CR1L: variants seen among roughly 807,000 people sequenced by gnomAD.
CR1L encodes complement C3b/C4b receptor 1 like.
In CR1L, 59 loss-of-function variants were observed where a neutral mutation model predicts 62.3. The observed-to-expected ratio is 0.95, with a 90% CI of 0.77 to 1.18. The LOEUF (loss-of-function observed/expected upper bound fraction) is 1.18, where lower values mean the gene tolerates loss of function less well. CR1L is among the 50% of genes most tolerant of loss of function. CR1L has a pLI of 0.00. For synonymous variants in CR1L, 279 were observed against 248.7 expected (o/e 1.12, Z -1.15); for missense variants, 700 against 702.8 (o/e 1.00, Z 0.04).
At chr1:207,680,660 A>G (rs769696364) in intron 3 of CR1L, among the ~76,000 whole-genome samples, 1 of 152,202 alleles carries the variant, frequency 6.6e-6, no homozygotes, top group Non-Finnish European at 1.5e-5. Flanking sequence ...AGCTGGGAGA[A>G]CTTTAAATTA....
At chr1:207,690,903 G>T (rs1663986529) in intron 4 of CR1L, among the ~76,000 whole-genome samples, 1 of 152,166 alleles carries the variant, frequency 6.6e-6, no homozygotes, top group African/African-American at 2.4e-5. Flanking sequence ...CACTGGACAT[G>T]GATTTAGAAG....
rs1663373813 is a variant in CR1L, at chr1:207,659,530, G to A, written c.97+14200G>A. ...AAATTGTCTTAAGATATATATTTTA[G>A]GTTGCTTCAAGATAGCTGAATAGGA... On this transcript the variant is annotated intron_variant, in intron 1 of 11. Transcript: ENST00000508064. 2.6e-5 allele frequency among the ~76,000 whole-genome samples: 4 copies of A among 152,156 alleles called. 1 individual carries two copies. The highest frequency in any genetic ancestry group is 1.9e-4 in the East Asian group (1 of 5,200).
chr1:207,652,694 G>A lies in CR1L; in HGVS notation c.97+7364G>A, dbSNP rs563053088. ...CTTGCCACCCATACTATTTGTGATC[G>A]GAATCACACATGGCTACCTGTCTCA... On this transcript the variant is annotated intron_variant, in intron 1 of 11. Coordinates refer to ENST00000508064, the MANE Select transcript of CR1L (RefSeq NM_175710.2). 104 of 938,154 alleles carry A rather than the reference G, an allele frequency of 1.1e-4. 1 individual carries two copies. The highest frequency in any genetic ancestry group is 1.0e-3 in the South Asian group (81 of 77,690). 58.1% of individuals were successfully genotyped at this position (938,154 alleles called of 1,614,324 possible).
chr1:207,721,256 T>C (rs1438273613), intron 11 of CR1L, among the ~76,000 whole-genome samples: 2 of 151,942 alleles, frequency 1.3e-5, no homozygotes, highest in Non-Finnish European at 2.9e-5. Flanking sequence ...GTTAGTTACA[T>C]ATGTATACAT....
intron 1 of CR1L, among the ~76,000 whole-genome samples, chr1:207,653,682 C>T (rs1663264095): frequency 6.6e-6 from 1 of 152,188 alleles, no homozygotes; most frequent in Admixed American, 6.5e-5. Context: ...AGGCACTGAG[C>T]ACTCGGTAAT....
intron 9 of CR1L, among the ~76,000 whole-genome samples, chr1:207,706,980 C>T (rs1664277275): frequency 6.6e-6 from 1 of 152,090 alleles, no homozygotes; most frequent in African/African-American, 2.4e-5. Flanking sequence ...GTAGGCTAGA[C>T]TTACAGAAAA....
intron 1 of CR1L, among the ~76,000 whole-genome samples, chr1:207,647,710 A>G (rs760047104): frequency 3.3e-5 from 5 of 152,122 alleles, no homozygotes; most frequent in Admixed American, 1.3e-4. Flanking sequence ...TATGCTCAGG[A>G]TGGTCTTTCT....
Position 207,669,577 on chromosome 1 carries a change from G to T in CR1L, c.98-7812G>T. 21 of 1,489,528 alleles carry T rather than the reference G, an allele frequency of 1.4e-5. No individual in the cohort carries two copies. In the South Asian group the frequency reaches 2.1e-4, roughly 15 times the overall value. The allele number at this position is 1,489,528 out of a possible 1,614,324, so 92.3% of individuals were successfully genotyped here. A position where few individuals can be genotyped will look rare whatever the true frequency, so the allele number is the denominator to read the frequency against. ...GCCGGTGGCCTGGGGTGAAACGCTG[G>T]GGGGCGTGGGGAGGCGCCCGGGCTG... On this transcript the variant is annotated intron_variant, in intron 1 of 11. Coordinates refer to ENST00000508064, the MANE Select transcript of CR1L (RefSeq NM_175710.2).
At chr1:207,669,163 T>C in intron 1 of CR1L, 1 of 284,560 alleles carries the variant, frequency 3.5e-6, no homozygotes, top group Non-Finnish European at 6.7e-6. Flanking sequence ...ACACGCGGGA[T>C]CCATCGGAAG....
chr1:207,669,122 C>T (rs749203146), intron 1 of CR1L: 10 of 260,900 alleles, frequency 3.8e-5, no homozygotes, highest in East Asian at 1.2e-4. Flanking sequence ...CATCATCCAC[C>T]GCCTTTGTCT....
intron 1 of CR1L, among the ~76,000 whole-genome samples, chr1:207,673,607 G>A (rs533070846): frequency 2.7e-4 from 41 of 152,264 alleles, no homozygotes; most frequent in African/African-American, 9.6e-4. Flanking sequence ...GAAAAAACCC[G>A]AAATGAGATA....
chr1:207,696,533 C>T (rs1408549228), intron 5 of CR1L, among the ~76,000 whole-genome samples: 2 of 152,182 alleles, frequency 1.3e-5, no homozygotes, highest in Middle Eastern at 3.2e-3. Context: ...TATTACATCA[C>T]CAGGCATTGA....
At chr1:207,652,258 G>A (rs920084345) in intron 1 of CR1L, among the ~76,000 whole-genome samples, 2 of 152,226 alleles carry the variant, frequency 1.3e-5, no homozygotes, top group South Asian at 2.1e-4. Context: ...TGTGGAGAAA[G>A]ATGCATCCAT....
At chr1:207,713,737 A>C (rs1653895437) in intron 10 of CR1L, among the ~76,000 whole-genome samples, 1 of 152,240 alleles carries the variant, frequency 6.6e-6, no homozygotes, top group African/African-American at 2.4e-5. Context: ...GTTGGTGCCC[A>C]AACAGGGGTC....
intron 4 of CR1L, among the ~76,000 whole-genome samples, chr1:207,689,798 A>G (rs1663968960): frequency 1.3e-5 from 2 of 152,102 alleles, no homozygotes; most frequent in South Asian, 4.1e-4. Flanking sequence ...TTTAATAGCT[A>G]TAAAAGTATT....
At chr1:207,648,578 A>G (rs1191500073) in intron 1 of CR1L, among the ~76,000 whole-genome samples, 1 of 116,350 alleles carries the variant, frequency 8.6e-6, no homozygotes, top group Non-Finnish European at 1.9e-5. Flanking sequence ...TCCAGATAGC[A>G]GAAGGAAACA....
chr1:207,670,850 C>T (rs558314120), intron 1 of CR1L, among the ~76,000 whole-genome samples: 1 of 151,032 alleles, frequency 6.6e-6, no homozygotes, highest in East Asian at 1.9e-4. Flanking sequence ...ACAATAACCT[C>T]CAAATGTGAA....
At position 207,723,603 on chromosome 1, in the gene CR1L, T is replaced by A; in HGVS notation, c.1643-15T>A. On this transcript the variant is annotated splice_polypyrimidine_tract_variant and intron_variant, in intron 11 of 11. Coordinates refer to ENST00000508064, the MANE Select transcript of CR1L (RefSeq NM_175710.2). The stretch of plus-strand genomic sequence containing the variant: ...TGCCAGAGTGATGTTTTTGTGACTT[T>A]TGTCTTCCTTTTAGGTTCACATGAT... The A allele has an allele frequency of 6.3e-7, 1 of 1,585,808 alleles. No homozygotes were observed. The highest frequency in any genetic ancestry group is 8.6e-7 in the Non-Finnish European group (1 of 1,162,452).
intron 11 of CR1L, 49 bp from the exon 12 acceptor site, chr1:207,723,569 C>A: frequency 1.4e-6 from 2 of 1,444,760 alleles, no homozygotes; most frequent in Non-Finnish European, 1.9e-6. Flanking sequence ...CCTGTTCAAT[C>A]ATGTTGCATG....
Sources: gnomAD v4.1 joint callset for allele counts (sites outside exome capture counted in the v4.1 genomes callset) on GRCh38, gnomAD v4.1.1 for gene constraint, MANE v1.5 for transcripts, NCBI Gene and HGNC (gene_info 2026-07-23, HGNC 2026-07-21) for gene names.